Variants in MB21D2 observed in about 807,000 individuals in gnomAD.
The protein encoded by MB21D2 is Mab-21 domain containing 2.
In MB21D2, 9 loss-of-function variants were observed where a neutral mutation model predicts 33.3. The observed-to-expected ratio is 0.27, with a 90% CI of 0.16 to 0.47. The LOEUF (loss-of-function observed/expected upper bound fraction) is 0.47. Ranked by LOEUF, MB21D2 falls within the 20% of genes least tolerant of loss-of-function variation. The probability of loss-of-function intolerance (pLI) is 0.99; values close to 1 mark genes in which losing one functional copy is unlikely to be tolerated. For synonymous variants in MB21D2, 241 were observed against 236.3 expected, an observed-to-expected ratio of 1.02 and a Z score of -0.18; for missense variants, 540 against 624.6, an observed-to-expected ratio of 0.86 and a Z score of 1.44.
chr3:192,887,311 C>T (rs1713753564), intron 1 of MB21D2, among the ~76,000 whole-genome samples: 2 of 152,072 alleles, frequency 1.3e-5, no homozygotes, highest in Admixed American at 6.5e-5. Flanking sequence ...CTATTGTTAA[C>T]TTTTCTTGAA....
At chr3:192,878,373 A>G (rs114892121) in intron 1 of MB21D2, among the ~76,000 whole-genome samples, 1,624 of 152,092 alleles carry the variant, frequency 0.011, 32 homozygotes, top group African/African-American at 0.038. Context: ...GCCTTTATAG[A>G]CCTCTCTCCC....
chr3:192,884,910 A>G (rs933126448), intron 1 of MB21D2, among the ~76,000 whole-genome samples: 2 of 152,254 alleles, frequency 1.3e-5, no homozygotes, highest in Admixed American at 1.3e-4. Context: ...CTACAGAGGT[A>G]AAATCTGATA....
Position 192,884,613 on chromosome 3 carries a change from C to T in MB21D2, c.211+33017G>A, listed in dbSNP as rs977614979. 5.3e-5 allele frequency among the ~76,000 whole-genome samples: 8 copies of T among 152,080 alleles called. No homozygotes were observed. The South Asian group carries it at 6.2e-4, about 12-fold the overall frequency. On this transcript the variant is annotated intron_variant, in intron 1 of 1. Coordinates refer to ENST00000392452, the MANE Select transcript of MB21D2 (RefSeq NM_178496.4). ...TGATCTCCTGACCTCGTGATCTGCC[C>T]GCCTTGGCCTCCCAAAGTGCTGGCA...
intron 1 of MB21D2, among the ~76,000 whole-genome samples, chr3:192,846,825 T>C (rs1352904586): frequency 6.6e-6 from 1 of 152,208 alleles, no homozygotes; most frequent in Non-Finnish European, 1.5e-5. Flanking sequence ...TTCTTGGGGC[T>C]TCTCATTTTC....
chr3:192,812,573 A>G (rs774316681), intron 1 of MB21D2, among the ~76,000 whole-genome samples: 20 of 152,314 alleles, frequency 1.3e-4, no homozygotes, highest in Non-Finnish European at 2.9e-4. Flanking sequence ...ATTGTGAGAC[A>G]TGATGAAAGA....
Position 192,797,297 on chromosome 3 carries a change from G to C in MB21D2, c.*1089C>G, listed in dbSNP as rs1213342716. The C allele has an allele frequency of 2.0e-5, 3 of 152,530 alleles. No homozygotes were observed. The highest frequency in any genetic ancestry group is 7.2e-5 in the African/African-American group (3 of 41,394). 9.4% of individuals were successfully genotyped at this position (152,530 alleles called of 1,614,324 possible). A position where few individuals can be genotyped will look rare whatever the true frequency, so the allele number is the denominator to read the frequency against. On this transcript the variant is annotated 3_prime_UTR_variant, in exon 2 of 2. Coordinates refer to ENST00000392452, the MANE Select transcript of MB21D2 (RefSeq NM_178496.4). ...CTGCCAGTTTTTCTCAAAACTCTCA[G>C]GAAGAGTAGAGATTTTACAAAAAAG...
intron 1 of MB21D2, among the ~76,000 whole-genome samples, chr3:192,826,502 G>A (rs1379065135): frequency 6.6e-6 from 1 of 152,178 alleles, no homozygotes; most frequent in Non-Finnish European, 1.5e-5. Context: ...ATTTAGCCTG[G>A]CTGTGTGACA....
chr3:192,878,331 C>T (rs918688572), intron 1 of MB21D2, among the ~76,000 whole-genome samples: 2 of 152,122 alleles, frequency 1.3e-5, no homozygotes, highest in Non-Finnish European at 2.9e-5. Flanking sequence ...AGTGGCAGGA[C>T]TAAGTCATTT....
chr3:192,799,508 A>G lies in MB21D2; in HGVS notation c.354T>C (p.Phe118=), dbSNP rs1459184113. ...GCTTGAGGGCTGGCACCAAGAGGGT[A>G]AAGTCCATATCATAGTCAGTACCCC... ...YARGTDYDMD[F]TLLVPALKLH... Residue 118 remains phenylalanine, a synonymous_variant, in exon 2 of 2, where the codon TTT becomes TTC. Transcript: ENST00000392452. The surrounding 1 kb of genome is among the most constrained non-coding windows in gnomAD (Gnocchi z 4.1). 9 of 1,614,094 alleles carry G rather than the reference A, an allele frequency of 5.6e-6. No individual in the cohort carries two copies. The highest frequency in any genetic ancestry group is 1.7e-5 in the Admixed American group (1 of 60,010).
intron 1 of MB21D2, among the ~76,000 whole-genome samples, chr3:192,893,960 C>G (rs761402764): frequency 1.3e-5 from 2 of 152,102 alleles, no homozygotes; most frequent in Non-Finnish European, 2.9e-5. Flanking sequence ...TGTTTGAGCC[C>G]AGGAGTTAGA....
At position 192,798,997 on chromosome 3, in the gene MB21D2, G is replaced by A; in HGVS notation, c.865C>T (p.Leu289=). The A allele has an allele frequency of 6.2e-7, 1 of 1,614,072 alleles. No homozygotes were observed. Among genetic ancestry groups the A allele is most frequent in the African/African-American group, 1.3e-5 (1 of 75,030 alleles). Residue 289 remains leucine, a synonymous_variant, in exon 2 of 2, where the codon CTG becomes TTG. Transcript: ENST00000392452. The surrounding 1 kb of genome is among the most constrained non-coding windows in gnomAD (Gnocchi z 4.8). ...TGCACCTCGCTCCTGGCAAAGGACA[G>A]CCGCCATTCATTGTCCTTCTTACCC... ...YKGKKDNEWR[L]SFARSEVQLK...
chr3:192,834,295 C>T (rs115850719), intron 1 of MB21D2, among the ~76,000 whole-genome samples: 191 of 149,066 alleles, frequency 1.3e-3, no homozygotes, highest in African/African-American at 4.2e-3. Context: ...CCAGCCCAGA[C>T]GACAAAGCGA....
chr3:192,840,597 G>A (rs1210726353), intron 1 of MB21D2, among the ~76,000 whole-genome samples: 10 of 151,848 alleles, frequency 6.6e-5, no homozygotes, highest in Non-Finnish European at 5.9e-5. Context: ...TGAGTGAGGC[G>A]CTATGGTAGA....
At chr3:192,861,248 T>C (rs1713035783) in intron 1 of MB21D2, among the ~76,000 whole-genome samples, 1 of 152,186 alleles carries the variant, frequency 6.6e-6, no homozygotes, top group East Asian at 1.9e-4. Flanking sequence ...CATCTCCAAG[T>C]CCCCTGTGGT....
At chr3:192,806,207 G>A (rs1006949799) in intron 1 of MB21D2, among the ~76,000 whole-genome samples, 6 of 152,082 alleles carry the variant, frequency 3.9e-5, no homozygotes, top group Admixed American at 2.0e-4. Context: ...TAGCACTTTC[G>A]ACATCTACTG....
In MB21D2 at chr3:192,799,392, G is replaced by T; in HGVS notation, c.470C>A (p.Thr157Lys). ...GCAGCAGTCTTTCCATTTACTGATT[G>T]TCCCCTCATCAAAGAGCCGAAGGCT... ...WLSLRLFDEG[T>K]ISKWKDCCTI... Residue 157 changes from threonine (T) to lysine (K), a missense_variant, in exon 2 of 2, where the codon ACA becomes AAA. Thr to Lys is a moderately conservative substitution (Grantham distance 78). Coordinates refer to ENST00000392452, the MANE Select transcript of MB21D2 (RefSeq NM_178496.4). This position sits in a 1 kb window ranked among gnomAD's most constrained non-coding sequence, Gnocchi z 4.1. 6.2e-7 allele frequency: 1 copy of T among 1,614,204 alleles called. No homozygotes were observed. Among genetic ancestry groups the T allele is most frequent in the Non-Finnish European group, 8.5e-7 (1 of 1,180,048 alleles).
chr3:192,811,357 C>T (rs1711784133), intron 1 of MB21D2, among the ~76,000 whole-genome samples: 1 of 152,110 alleles, frequency 6.6e-6, no homozygotes, highest in Admixed American at 6.6e-5. Flanking sequence ...GTTTCTGGAA[C>T]TGTAGTGGGT....
chr3:192,856,371 A>C (rs1018401876), intron 1 of MB21D2, among the ~76,000 whole-genome samples: 1 of 152,196 alleles, frequency 6.6e-6, no homozygotes, highest in African/African-American at 2.4e-5. Context: ...TTTTCCCATG[A>C]GTTAAATGAG....
At chr3:192,910,842 G>A (rs1363795455) in intron 1 of MB21D2, among the ~76,000 whole-genome samples, 16 of 152,166 alleles carry the variant, frequency 1.1e-4, no homozygotes, top group Admixed American at 9.2e-4. Flanking sequence ...CCCAACATAG[G>A]TTAGGAGACT....
Sources: allele counts gnomAD v4.1 joint callset (sites outside exome capture counted in the v4.1 genomes callset), GRCh38; gene constraint gnomAD v4.1.1; non-coding constraint Gnocchi (gnomAD v3.1); transcripts MANE v1.5; gene names NCBI Gene and HGNC (gene_info 2026-07-23, HGNC 2026-07-21).